Variants in CYRIB observed in about 807,000 individuals in gnomAD.
The protein encoded by CYRIB is CYFIP related Rac1 interactor B.
In CYRIB, 8 loss-of-function variants were observed where a neutral mutation model predicts 44.2. The observed-to-expected ratio is 0.18, with a 90% CI of 0.11 to 0.33. CYRIB has a LOEUF of 0.33. CYRIB is among the 10% of genes least tolerant of loss of function. CYRIB has a pLI of 1.00. For synonymous variants in CYRIB, 131 were observed against 127.2 expected (o/e 1.03, Z -0.20); for missense variants, 185 against 382.8 (o/e 0.48, Z 4.31).
At chr8:129,887,262 G>C (rs1033982363) in intron 2 of CYRIB, among the ~76,000 whole-genome samples, 1 of 152,196 alleles carries the variant, frequency 6.6e-6, no homozygotes, top group Non-Finnish European at 1.5e-5. Context: ...TATGTCTCAA[G>C]CTGCTGTTCA....
intron 5 of CYRIB, among the ~76,000 whole-genome samples, chr8:129,859,348 G>T (rs1019224035): frequency 1.3e-5 from 2 of 152,184 alleles, no homozygotes; most frequent in Admixed American, 1.3e-4. Flanking sequence ...GACTAGGAGC[G>T]CGACCACTGA....
At chr8:130,016,980 C>G (rs1160300676), upstream of CYRIB, 1 of 152,320 alleles carries the variant, frequency 6.6e-6, no homozygotes, top group African/African-American at 2.4e-5. Flanking sequence ...GACCTTCAGG[C>G]CGGCCAGGTT....
chr8:129,846,845 G>T (rs751442071), exon 11 of CYRIB: 2 of 1,595,794 alleles, frequency 1.3e-6, no homozygotes, highest in Non-Finnish European at 1.7e-6. Flanking sequence ...TAGGAGGTTG[G>T]TCCTTAAGAA....
chr8:130,014,887 C>G (rs968102520), intron 1 of CYRIB, among the ~76,000 whole-genome samples: 2 of 152,184 alleles, frequency 1.3e-5, no homozygotes, highest in African/African-American at 2.4e-5. Flanking sequence ...CCGGGCTTCC[C>G]CCACATTACA....
At chr8:129,857,608 C>T (rs549842403) in intron 5 of CYRIB, among the ~76,000 whole-genome samples, 7 of 152,142 alleles carry the variant, frequency 4.6e-5, no homozygotes, top group Non-Finnish European at 1.0e-4. Context: ...TCAGCAGATT[C>T]GCATTTTAAA....
At chr8:130,011,765 G>A (rs1018419385) in intron 1 of CYRIB, among the ~76,000 whole-genome samples, 20 of 151,762 alleles carry the variant, frequency 1.3e-4, no homozygotes, top group Middle Eastern at 3.4e-3. Flanking sequence ...TCCGGGAGGC[G>A]GAGCTTGCAG....
At chr8:129,910,922 C>T (rs1044402357) in intron 1 of CYRIB, among the ~76,000 whole-genome samples, 6 of 152,196 alleles carry the variant, frequency 3.9e-5, no homozygotes, top group Admixed American at 3.9e-4. Flanking sequence ...CCTCCAAAAG[C>T]GCTGGAATTA....
intron 5 of CYRIB, among the ~76,000 whole-genome samples, chr8:129,856,239 A>G (rs1381710545): frequency 2.0e-5 from 3 of 152,188 alleles, no homozygotes; most frequent in South Asian, 2.1e-4. Flanking sequence ...GTTTGCTTTC[A>G]GCTACTAAAG....
intron 2 of CYRIB, among the ~76,000 whole-genome samples, chr8:129,951,689 G>A (rs1283893779): frequency 6.9e-6 from 1 of 145,596 alleles, no homozygotes; most frequent in African/African-American, 2.5e-5. Flanking sequence ...CTGGGTAACA[G>A]AGCGAGACTC....
chr8:129,882,237 C>A (rs922827288), intron 2 of CYRIB, among the ~76,000 whole-genome samples: 1 of 152,138 alleles, frequency 6.6e-6, no homozygotes, highest in African/African-American at 2.4e-5. Context: ...ACCAGAAATT[C>A]GACTCTAGCT....
At chr8:129,978,918 T>G (rs1333349903) in intron 1 of CYRIB, among the ~76,000 whole-genome samples, 4 of 152,052 alleles carry the variant, frequency 2.6e-5, no homozygotes, top group Non-Finnish European at 2.9e-5. Flanking sequence ...GGCAGATCAC[T>G]TGAGGCCAGG....
intron 1 of CYRIB, among the ~76,000 whole-genome samples, chr8:129,911,875 GA>G (rs2078231836): frequency 6.6e-6 from 1 of 152,094 alleles, no homozygotes; most frequent in Admixed American, 6.6e-5. Context: ...GGACTTTTCT[GA>G]TACTTCAACT....
chr8:129,975,112 C>T (rs1363589392), intron 1 of CYRIB, among the ~76,000 whole-genome samples: 1 of 152,136 alleles, frequency 6.6e-6, no homozygotes, highest in East Asian at 1.9e-4. Context: ...AACGCCTGAC[C>T]TCAGAATCCG....
chr8:129,845,399 G>GAT (rs1380436237), intron 11 of CYRIB, among the ~76,000 whole-genome samples: 1 of 152,208 alleles, frequency 6.6e-6, no homozygotes, highest in African/African-American at 2.4e-5. Flanking sequence ...AAAGACTCAT[G>GAT]ATATCATTAA....
At chr8:129,852,978 A>G (rs77924175) in intron 7 of CYRIB, among the ~76,000 whole-genome samples, 2,755 of 152,330 alleles carry the variant, frequency 0.018, 93 homozygotes, top group African/African-American at 0.061. Context: ...AATCGTGGGC[A>G]GATTGTACCA....
intron 2 of CYRIB, among the ~76,000 whole-genome samples, chr8:129,958,513 A>G (rs1203648689): frequency 6.6e-6 from 1 of 152,148 alleles, no homozygotes; most frequent in East Asian, 1.9e-4. Context: ...ACAAGTTAAC[A>G]TGGGCCCAAG....
At chr8:129,956,138 T>C (rs758973711) in intron 2 of CYRIB, among the ~76,000 whole-genome samples, 9 of 152,174 alleles carry the variant, frequency 5.9e-5, no homozygotes, top group Non-Finnish European at 8.8e-5. Flanking sequence ...AACTGTCTCG[T>C]GGAGCGCAGT....
At chr8:129,884,514 C>T (rs1240290530) in intron 2 of CYRIB, among the ~76,000 whole-genome samples, 1 of 152,078 alleles carries the variant, frequency 6.6e-6, no homozygotes, top group African/African-American at 2.4e-5. Context: ...TCTCAAACTC[C>T]CAACCGCAGG....
chr8:129,931,157 AAAAG>A (rs201941389), intron 1 of CYRIB, among the ~76,000 whole-genome samples: 3,241 of 152,180 alleles, frequency 0.021, 98 homozygotes, highest in African/African-American at 0.068. Context: ...CCTAAAAAAA[AAAAG>A]AAAGAAAGAA....
Sources: gnomAD v4.1 joint callset for allele counts (sites outside exome capture counted in the v4.1 genomes callset) on GRCh38, gnomAD v4.1.1 for gene constraint, MANE v1.5 for transcripts, NCBI Gene and HGNC (gene_info 2026-07-23, HGNC 2026-07-21) for gene names.